Variants in SDK1 observed in about 807,000 individuals in gnomAD.
SDK1 encodes protein sidekick-1.
In SDK1, 157 loss-of-function variants were observed where a neutral mutation model predicts 245.5. That is an observed-to-expected ratio of 0.64 (90% CI 0.56 to 0.73). SDK1 has a LOEUF of 0.73. SDK1 is among the 30% of genes least tolerant of loss of function. The pLI, the probability that SDK1 is intolerant of heterozygous loss-of-function variation, is 0.00. For synonymous variants in SDK1, 1,647 were observed against 1,278.5 expected (o/e 1.29, Z -6.15); for missense variants, 3,583 against 3,002.3 (o/e 1.19, Z -4.52).
intron 1 of SDK1, among the ~76,000 whole-genome samples, chr7:3,315,460 C>G (rs1779641501): frequency 6.6e-6 from 1 of 152,110 alleles, no homozygotes; most frequent in African/African-American, 2.4e-5. Context: ...ATGAACAGCC[C>G]TTCCTGGGAG....
At chr7:3,471,885 G>A (rs1395894812) in intron 1 of SDK1, among the ~76,000 whole-genome samples, 1 of 152,192 alleles carries the variant, frequency 6.6e-6, no homozygotes, top group Non-Finnish European at 1.5e-5. Context: ...AAATATTGAA[G>A]TGTTTTGCAT....
intron 5 of SDK1, among the ~76,000 whole-genome samples, chr7:3,928,621 GTT>G (rs1007736056): frequency 6.8e-6 from 1 of 147,620 alleles, no homozygotes; most frequent in African/African-American, 2.5e-5. Flanking sequence ...CTCAATAAAA[GTT>G]TTTTTTTGGG....
chr7:3,935,482 A>G (rs1388969609), intron 5 of SDK1, among the ~76,000 whole-genome samples: 1 of 152,228 alleles, frequency 6.6e-6, no homozygotes, highest in African/African-American at 2.4e-5. Context: ...TCACATATAT[A>G]ATAAGGGATT....
At chr7:3,380,593 C>G (rs1341604423) in intron 1 of SDK1, among the ~76,000 whole-genome samples, 26 of 152,198 alleles carry the variant, frequency 1.7e-4, no homozygotes, top group Admixed American at 1.7e-3. Context: ...TGAACAGTTG[C>G]TTAACCAAGT....
intron 17 of SDK1, among the ~76,000 whole-genome samples, chr7:4,021,456 A>C (rs1786887843): frequency 6.6e-6 from 1 of 152,188 alleles, no homozygotes; most frequent in Non-Finnish European, 1.5e-5. Flanking sequence ...GAGCTTAAAC[A>C]AGATAGAGCT....
chr7:3,590,630 C>G (rs986236159), intron 1 of SDK1, among the ~76,000 whole-genome samples: 1 of 152,058 alleles, frequency 6.6e-6, no homozygotes, highest in African/African-American at 2.4e-5. Flanking sequence ...TTTCAAATAA[C>G]TGTATGTGGT....
chr7:3,321,321 A>G (rs1047488900), intron 1 of SDK1, among the ~76,000 whole-genome samples: 4 of 152,194 alleles, frequency 2.6e-5, no homozygotes, highest in Non-Finnish European at 1.5e-5. Flanking sequence ...TTCAGAGCAC[A>G]TAACGTTTCT....
At chr7:3,674,852 A>T (rs911228527) in intron 4 of SDK1, among the ~76,000 whole-genome samples, 1 of 152,202 alleles carries the variant, frequency 6.6e-6, no homozygotes, top group African/African-American at 2.4e-5. Context: ...GGTAAAGGGC[A>T]TGGCTGGATT....
intron 4 of SDK1, among the ~76,000 whole-genome samples, chr7:3,722,719 C>G (rs1288482997): frequency 6.6e-6 from 1 of 152,208 alleles, no homozygotes; most frequent in East Asian, 1.9e-4. Flanking sequence ...GTGCCCCACC[C>G]CCTGGTGCAG....
chr7:3,763,541 C>G (rs553495759), intron 4 of SDK1, among the ~76,000 whole-genome samples: 1 of 152,136 alleles, frequency 6.6e-6, no homozygotes, highest in Non-Finnish European at 1.5e-5. Context: ...ACACGTTGCC[C>G]CTAAACACTT....
At chr7:3,884,459 T>C (rs1373108505) in intron 5 of SDK1, among the ~76,000 whole-genome samples, 2 of 152,232 alleles carry the variant, frequency 1.3e-5, no homozygotes, top group African/African-American at 4.8e-5. Flanking sequence ...AACGTTTGCC[T>C]CTTTCTACCT....
intron 1 of SDK1, among the ~76,000 whole-genome samples, chr7:3,579,241 T>C (rs1016197038): frequency 3.3e-5 from 5 of 152,026 alleles, no homozygotes; most frequent in African/African-American, 4.8e-5. Context: ...AAAATGACTT[T>C]AGCCAATATC....
intron 35 of SDK1, among the ~76,000 whole-genome samples, chr7:4,196,532 C>T (rs673396): frequency 0.79 from 120,042 of 152,138 alleles, 47,964 homozygotes; most frequent in African/African-American, 0.89. Context: ...CCCTCCCTGC[C>T]CCTTGCTCTC....
intron 1 of SDK1, among the ~76,000 whole-genome samples, chr7:3,600,591 G>C (rs1264116886): frequency 7.9e-6 from 1 of 126,668 alleles, no homozygotes; most frequent in Non-Finnish European, 1.6e-5. Flanking sequence ...GTCTCGCCCT[G>C]TTGCCTAGGC....
At chr7:3,340,443 C>T (rs138852431) in intron 1 of SDK1, among the ~76,000 whole-genome samples, 1 of 152,110 alleles carries the variant, frequency 6.6e-6, no homozygotes, top group Admixed American at 6.5e-5. Flanking sequence ...TGTCACTAAT[C>T]TTCAATTTGT....
At chr7:4,233,170 C>A in intron 40 of SDK1, 85 bp from the exon 41 acceptor site, 1 of 1,366,738 alleles carries the variant, frequency 7.3e-7, no homozygotes, top group Non-Finnish European at 1.0e-6. Context: ...CTGCTGCAAG[C>A]CGACCCACCA....
intron 5 of SDK1, among the ~76,000 whole-genome samples, chr7:3,897,154 C>T (rs874344): frequency 0.31 from 46,676 of 152,158 alleles, 10,285 homozygotes; most frequent in African/African-American, 0.63. Flanking sequence ...GGGATTACAA[C>T]TTGAGATGAC....
At chr7:3,895,934 G>T (rs1403968607) in intron 5 of SDK1, among the ~76,000 whole-genome samples, 1 of 151,970 alleles carries the variant, frequency 6.6e-6, no homozygotes, top group South Asian at 2.1e-4. Flanking sequence ...TTCTGCGGTG[G>T]CCAGAAAACA....
chr7:3,949,446 C>T (rs1261784925), intron 5 of SDK1, among the ~76,000 whole-genome samples: 1 of 152,216 alleles, frequency 6.6e-6, no homozygotes, highest in South Asian at 2.1e-4. Context: ...CTCTCCGCGG[C>T]CCTCACCCCA....
Sources: gnomAD v4.1 joint callset for allele counts (sites outside exome capture counted in the v4.1 genomes callset) on GRCh38, gnomAD v4.1.1 for gene constraint, MANE v1.5 for transcripts, NCBI Gene and HGNC (gene_info 2026-07-23, HGNC 2026-07-21) for gene names.